LSM8: variants seen among roughly 807,000 people sequenced by gnomAD.
The protein encoded by LSM8 is LSM8 homolog, U6 small nuclear RNA associated, also known as LSM8 U6 small nuclear RNA associated.
LSM8 carries 14 observed loss-of-function variants against 15.0 expected under a neutral mutation model. The ratio of observed to expected loss-of-function variants is 0.93; its 90% CI spans 0.62 to 1.46. LSM8 has a LOEUF of 1.46. Ranked by LOEUF, LSM8 falls within the 40% of genes most tolerant of loss-of-function variation. The pLI is 0.00. For missense variants in LSM8, 90 were observed against 115.4 expected, an observed-to-expected ratio of 0.78 and a Z score of 1.01; for synonymous variants, 50 against 42.1, an observed-to-expected ratio of 1.19 and a Z score of -0.73.
rs1432504852 is a variant in LSM8, at chr7:118,203,371, A to G, written c.*11369A>G. 6.6e-6 allele frequency among the ~76,000 whole-genome samples: 1 copy of G among 151,880 alleles called. No homozygotes were observed. Among genetic ancestry groups the G allele is most frequent in the East Asian group, 1.9e-4 (1 of 5,184 alleles). On this transcript the variant is annotated 3_prime_UTR_variant, in exon 4 of 4. Coordinates refer to ENST00000249299, the MANE Select transcript of LSM8 (RefSeq NM_016200.5). The stretch of plus-strand genomic sequence containing the variant: ...AATATTTCTGATATCATATAGGAGT[A>G]AAAATTGCGGGGAGGTCCTAATATC...
rs139075260 is a variant in LSM8, at chr7:118,200,612, A to C, written c.*8610A>C. ...AGGACCATTTAATTATCAAATTATT[A>C]ATGATTCTTCCATAATAAACAAGCA... On this transcript the variant is annotated 3_prime_UTR_variant, in exon 4 of 4. Coordinates refer to ENST00000249299, the MANE Select transcript of LSM8 (RefSeq NM_016200.5). Among the ~76,000 whole-genome samples the C allele has an allele frequency of 1.0e-3, 158 of 152,244 alleles. 1 individual carries two copies. The highest frequency in any genetic ancestry group is 3.7e-3 in the African/African-American group (152 of 41,566).
rs2115931337 is a variant in LSM8, at chr7:118,195,144, G to A, written c.*3142G>A. Among the ~76,000 whole-genome samples the A allele has an allele frequency of 6.6e-6, 1 of 152,116 alleles. No individual in the cohort carries two copies. Among genetic ancestry groups the A allele is most frequent in the South Asian group, 2.1e-4 (1 of 4,820 alleles). ...CCTAAGGTGCTTTAAAAATTTTCTT[G>A]GGCCCTACTCGTTGTGGTTCAGCAG... is the stretch of plus-strand genomic sequence containing the variant. On this transcript the variant is annotated 3_prime_UTR_variant, in exon 4 of 4. Coordinates refer to ENST00000249299, the MANE Select transcript of LSM8 (RefSeq NM_016200.5).
intron 2 of LSM8, among the ~76,000 whole-genome samples, chr7:118,186,148 CATT>C (rs1171614657): frequency 6.6e-6 from 1 of 151,976 alleles, no homozygotes; most frequent in Non-Finnish European, 1.5e-5. Context: ...CTGTAGGACA[CATT>C]ATGATGATTG....
At chr7:118,188,140 A>G in intron 2 of LSM8, 138 bp from the exon 3 acceptor site, 1 of 935,606 alleles carries the variant, frequency 1.1e-6, no homozygotes, top group Non-Finnish European at 1.6e-6. Context: ...ACTGTTGGTT[A>G]TAAAAAAGGC....
rs921497757 is a variant in LSM8, at chr7:118,194,609, A to C, written c.*2607A>C. Reference sequence around the variant, plus strand: ...AATGTGAGATATAAGTATGATAAAAACAACTTTTAAATGGTATTTAATGCA... The same window carrying C: ...AATGTGAGATATAAGTATGATAAAACCAACTTTTAAATGGTATTTAATGCA... On this transcript the variant is annotated 3_prime_UTR_variant, in exon 4 of 4. Coordinates refer to ENST00000249299, the MANE Select transcript of LSM8 (RefSeq NM_016200.5). 2.0e-5 allele frequency among the ~76,000 whole-genome samples: 3 copies of C among 152,186 alleles called. No individual in the cohort carries two copies. The highest frequency in any genetic ancestry group is 7.2e-5 in the African/African-American group (3 of 41,452).
intron 3 of LSM8, chr7:118,190,942 T>G (rs889362043): frequency 6.6e-6 from 1 of 151,968 alleles, no homozygotes; most frequent in Non-Finnish European, 1.5e-5. Context: ...CTGTCTCTAC[T>G]AAAAATACAA....
chr7:118,185,759 A>C (rs1584705055), intron 2 of LSM8, 65 bp downstream of exon 2: 3 of 1,450,266 alleles, frequency 2.1e-6, no homozygotes, highest in Non-Finnish European at 2.9e-6. Context: ...TTTTATGTGA[A>C]ACCTCTAATC....
Position 118,201,015 on chromosome 7 carries a change from C to A in LSM8, c.*9013C>A, listed in dbSNP as rs766155152. 1.3e-5 allele frequency among the ~76,000 whole-genome samples: 2 copies of A among 152,004 alleles called. No homozygotes were observed. The highest frequency in any genetic ancestry group is 4.8e-5 in the African/African-American group (2 of 41,402). On this transcript the variant is annotated 3_prime_UTR_variant, in exon 4 of 4. Coordinates refer to ENST00000249299, the MANE Select transcript of LSM8 (RefSeq NM_016200.5). ...AATTGACTTGAAATTTGTGATACTT[C>A]AACTTGTGCTAGGTTGTAGTTTTGC...
rs113447134 is a variant in LSM8, at chr7:118,199,365, C to CT, written c.*7364dup. 0.069 allele frequency among the ~76,000 whole-genome samples: 10,422 copies of CT among 152,136 alleles called. 381 individuals are homozygous for CT. Among genetic ancestry groups the CT allele is most frequent in the East Asian group, 0.11 (567 of 5,172 alleles). On this transcript the variant is annotated 3_prime_UTR_variant, in exon 4 of 4. Transcript: ENST00000249299. ...AAGTTGATTTTAGGGGATTAAAAAT[C>CT]TAAGACGTTTAAGGGAACATGAATT...
chr7:118,188,439 A>G (rs1808922000), intron 3 of LSM8, 34 bp downstream of exon 3: 3 of 1,582,878 alleles, frequency 1.9e-6, no homozygotes, highest in Non-Finnish European at 2.6e-6. Flanking sequence ...ATTATAAATG[A>G]TACTGCCTTA....
rs760269015 is a variant in LSM8 at position 118,184,259 on chromosome 7, C to T, written c.31+5C>T. On this transcript the variant is annotated splice_donor_5th_base_variant and intron_variant, in intron 1 of 3. Transcript: ENST00000249299. The stretch of plus-strand genomic sequence containing the variant: ...CTTTGGAGAACTACATCAACCGTAT[C>T]CTCAAGCTGGCCGCCGCGGGCGTGA... The T allele has an allele frequency of 2.7e-6, 4 of 1,494,282 alleles. No individual in the cohort carries two copies. The South Asian group carries it at 3.7e-5, about 14-fold the overall frequency. The allele number at this position is 1,494,282 out of a possible 1,614,324, so 92.6% of individuals were successfully genotyped here.
In LSM8 at chr7:118,200,521, T is replaced by G. The variant is rs1281558508; in HGVS notation, c.*8519T>G. Among the ~76,000 whole-genome samples the G allele has an allele frequency of 6.6e-6, 1 of 152,128 alleles. No homozygotes were observed. Among genetic ancestry groups the G allele is most frequent in the Non-Finnish European group, 1.5e-5 (1 of 68,006 alleles). ...ATAAGTGGTCTCTATCACGTTGAAA[T>G]TACTTTAATATTTTCATTTATGTTT... On this transcript the variant is annotated 3_prime_UTR_variant, in exon 4 of 4. Transcript: ENST00000249299.
At chr7:118,186,643 G>A (rs945505175) in intron 2 of LSM8, among the ~76,000 whole-genome samples, 3 of 152,168 alleles carry the variant, frequency 2.0e-5, no homozygotes, top group African/African-American at 2.4e-5. Context: ...TCTAGATTAG[G>A]AAACAAGTTC....
chr7:118,200,303 C>G lies in LSM8; in HGVS notation c.*8301C>G, dbSNP rs948305269. 1.3e-5 allele frequency among the ~76,000 whole-genome samples: 2 copies of G among 152,078 alleles called. No homozygotes were observed. The highest frequency in any genetic ancestry group is 2.9e-5 in the Non-Finnish European group (2 of 68,010). On this transcript the variant is annotated 3_prime_UTR_variant, in exon 4 of 4. Transcript: ENST00000249299. ...TCATAAGTAGCTGCTCTGGTGCTCT[C>G]TAGAGGCAGAACTTGCTGAATTTGA...
At position 118,194,252 on chromosome 7, in the gene LSM8, G is replaced by A. The variant is rs1284762692; in HGVS notation, c.*2250G>A. ...AATTTCAACCTGTAATTACCTCTGT[G>A]CTTTGTGACTCAGGCACAATCTAAA... On this transcript the variant is annotated 3_prime_UTR_variant, in exon 4 of 4. Coordinates refer to ENST00000249299, the MANE Select transcript of LSM8 (RefSeq NM_016200.5). 1.3e-5 allele frequency among the ~76,000 whole-genome samples: 2 copies of A among 151,990 alleles called. No homozygotes were observed. Among genetic ancestry groups the A allele is most frequent in the Non-Finnish European group, 2.9e-5 (2 of 67,970 alleles).
rs1425855955 is a variant in LSM8, at chr7:118,196,561, T to C, written c.*4559T>C. On this transcript the variant is annotated 3_prime_UTR_variant, in exon 4 of 4. Transcript: ENST00000249299. ...TCTGGGGAATGAAGGAGCTGAGAAT[T>C]GTTCTTCCAGATACCTTTCCGACCT... 1.3e-5 allele frequency among the ~76,000 whole-genome samples: 2 copies of C among 152,038 alleles called. No homozygotes were observed. The highest frequency in any genetic ancestry group is 2.4e-5 in the African/African-American group (1 of 41,420).
chr7:118,184,907 A>G (rs1032567624), intron 1 of LSM8: 3 of 152,242 alleles, frequency 2.0e-5, no homozygotes, highest in African/African-American at 7.2e-5. Flanking sequence ...GAATGCTTTT[A>G]ATGATGCGTT....
chr7:118,184,550 A>G (rs937930512), intron 1 of LSM8: 3 of 301,816 alleles, frequency 9.9e-6, no homozygotes, highest in Non-Finnish European at 1.8e-5. Flanking sequence ...CTATTTCCCT[A>G]TGGCATAAGT....
Position 118,192,143 on chromosome 7 carries a change from C to T in LSM8, c.*141C>T. ...TTGTAATATGTAAATTAAAATATTT[C>T]TACATTTTATTGAAAAAAAAACCTT... is the stretch of plus-strand genomic sequence containing the variant. On this transcript the variant is annotated 3_prime_UTR_variant, in exon 4 of 4. Coordinates refer to ENST00000249299, the MANE Select transcript of LSM8 (RefSeq NM_016200.5). The T allele has an allele frequency of 2.0e-6, 1 of 489,654 alleles. No homozygotes were observed. Among genetic ancestry groups the T allele is most frequent in the East Asian group, 3.6e-5 (1 of 27,472 alleles). 30.3% of individuals were successfully genotyped at this position (489,654 alleles called of 1,614,324 possible). A position where few individuals can be genotyped will look rare whatever the true frequency, so the allele number is the denominator to read the frequency against.
Sources: allele counts gnomAD v4.1 joint callset (sites outside exome capture counted in the v4.1 genomes callset), GRCh38; gene constraint gnomAD v4.1.1; transcripts MANE v1.5; gene names NCBI Gene and HGNC (gene_info 2026-07-23, HGNC 2026-07-21).